PLCB1: variants seen among roughly 807,000 people sequenced by gnomAD.
PLCB1 encodes phospholipase C beta 1.
In PLCB1, 46 loss-of-function variants were observed where a neutral mutation model predicts 161.8. The observed-to-expected ratio is 0.28, with a 90% CI of 0.22 to 0.36. The LOEUF is 0.36. Ranked by LOEUF, PLCB1 falls within the 10% of genes least tolerant of loss-of-function variation. The pLI is 1.00. For missense variants in PLCB1, 1,016 were observed against 1,472.5 expected, an observed-to-expected ratio of 0.69 and a Z score of 5.07; for synonymous variants, 517 against 503.7, an observed-to-expected ratio of 1.03 and a Z score of -0.35.
chr20:8,343,054 C>T (rs1189693189), intron 2 of PLCB1, among the ~76,000 whole-genome samples: 1 of 152,208 alleles, frequency 6.6e-6, no homozygotes, highest in Non-Finnish European at 1.5e-5. Context: ...CTCCAGTCTG[C>T]ACCTCCTTCT....
chr20:8,802,438 T>C, intron 31 of PLCB1: 1 of 387,198 alleles, frequency 2.6e-6, no homozygotes, highest in East Asian at 4.2e-5. Flanking sequence ...CTTTCTCCAT[T>C]TTGTTTCTCT....
chr20:8,177,385 G>T (rs2123081198), intron 2 of PLCB1, among the ~76,000 whole-genome samples: 1 of 152,292 alleles, frequency 6.6e-6, no homozygotes, highest in Admixed American at 6.5e-5. Flanking sequence ...ATACATTTCT[G>T]TTGATAAATT....
intron 2 of PLCB1, among the ~76,000 whole-genome samples, chr20:8,342,225 AATG>A (rs1195336706): frequency 1.3e-5 from 2 of 152,228 alleles, no homozygotes; most frequent in African/African-American, 2.4e-5. Flanking sequence ...AGCAGTCATA[AATG>A]ATGAAGAACT....
At chr20:8,737,797 A>T (rs140296452) in intron 20 of PLCB1, among the ~76,000 whole-genome samples, 14 of 152,336 alleles carry the variant, frequency 9.2e-5, no homozygotes, top group Non-Finnish European at 1.9e-4. Context: ...CAAAATATCT[A>T]CAAATCCAGT....
chr20:8,170,689 T>A (rs1377277054), intron 2 of PLCB1, among the ~76,000 whole-genome samples: 3 of 152,072 alleles, frequency 2.0e-5, no homozygotes, highest in Non-Finnish European at 2.9e-5. Context: ...TGACTTTATA[T>A]AAACATAAAA....
rs1489040268 is a variant in PLCB1 at position 8,132,399 on chromosome 20, C to G, written c.-253C>G. On this transcript the variant is annotated 5_prime_UTR_variant, in exon 1 of 32. Coordinates refer to ENST00000338037, the MANE Select transcript of PLCB1 (RefSeq NM_015192.4). The surrounding 1 kb of genome is among the most constrained non-coding windows in gnomAD (Gnocchi z 5.2). ...CGGCTTCTCTTCGCCTTCCGAGGCT[C>G]CTCATCCACCGCGGGCTCCAGACCT... 7.0e-6 allele frequency: 2 copies of G among 285,272 alleles called. No homozygotes were observed. Among genetic ancestry groups the G allele is most frequent in the Non-Finnish European group, 6.5e-6 (1 of 154,350 alleles). 17.7% of individuals were successfully genotyped at this position (285,272 alleles called of 1,614,324 possible).
intron 3 of PLCB1, among the ~76,000 whole-genome samples, chr20:8,550,477 T>C (rs1299293320): frequency 6.6e-6 from 1 of 152,094 alleles, no homozygotes; most frequent in Non-Finnish European, 1.5e-5. Context: ...TCGGCTCTCA[T>C]TCTCTCTTCT....
intron 3 of PLCB1, among the ~76,000 whole-genome samples, chr20:8,558,619 A>T (rs963383503): frequency 6.6e-5 from 10 of 151,842 alleles, no homozygotes; most frequent in African/African-American, 2.4e-4. Context: ...AAATACAAAG[A>T]CAGCCACACT....
chr20:8,544,760 T>A (rs1391070958), intron 3 of PLCB1, among the ~76,000 whole-genome samples: 10 of 152,250 alleles, frequency 6.6e-5, no homozygotes, highest in Non-Finnish European at 2.9e-5. Flanking sequence ...CTATTACATA[T>A]GCTGAAGTTT....
chr20:8,696,826 C>T (rs914465141), intron 10 of PLCB1, among the ~76,000 whole-genome samples: 14 of 152,242 alleles, frequency 9.2e-5, no homozygotes, highest in East Asian at 3.9e-4. Context: ...CTCCGCCTCC[C>T]GGGTTCACAC....
intron 25 of PLCB1, among the ~76,000 whole-genome samples, chr20:8,762,250 A>G (rs1292576785): frequency 3.3e-5 from 5 of 152,220 alleles, no homozygotes; most frequent in African/African-American, 7.2e-5. Flanking sequence ...ACAACACCAT[A>G]TTAATGCATA....
intron 2 of PLCB1, among the ~76,000 whole-genome samples, chr20:8,350,962 C>A (rs1026091254): frequency 6.6e-6 from 1 of 152,092 alleles, no homozygotes; most frequent in Non-Finnish European, 1.5e-5. Flanking sequence ...TAATCCCAGT[C>A]ACAATCCCAG....
chr20:8,861,846 C>T (rs991071082), intron 31 of PLCB1, among the ~76,000 whole-genome samples: 1 of 151,110 alleles, frequency 6.6e-6, no homozygotes, highest in Non-Finnish European at 1.5e-5. Context: ...ATTTAATTAA[C>T]TTGATTTACT....
intron 2 of PLCB1, among the ~76,000 whole-genome samples, chr20:8,311,188 T>C (rs1480396945): frequency 2.0e-5 from 3 of 152,226 alleles, no homozygotes; most frequent in South Asian, 2.1e-4. Context: ...TTTCACTGTA[T>C]ATAAATTTTA....
intron 2 of PLCB1, among the ~76,000 whole-genome samples, chr20:8,229,839 A>G (rs1979908367): frequency 7.6e-6 from 1 of 132,222 alleles, no homozygotes; most frequent in African/African-American, 2.9e-5. Context: ...CCTGGGCAAC[A>G]TGGTGAGAGC....
At chr20:8,552,102 TCATC>T (rs1985795372) in intron 3 of PLCB1, among the ~76,000 whole-genome samples, 1 of 152,202 alleles carries the variant, frequency 6.6e-6, no homozygotes, top group Non-Finnish European at 1.5e-5. Flanking sequence ...CACTTCATGG[TCATC>T]CATTCCTTCC....
At chr20:8,779,302 A>G (rs1983090922) in intron 27 of PLCB1, among the ~76,000 whole-genome samples, 1 of 152,116 alleles carries the variant, frequency 6.6e-6, no homozygotes, top group Non-Finnish European at 1.5e-5. Context: ...CACGATCACC[A>G]CACACACTCA....
At chr20:8,864,262 C>A (rs1987351523) in intron 31 of PLCB1, among the ~76,000 whole-genome samples, 1 of 152,172 alleles carries the variant, frequency 6.6e-6, no homozygotes, top group African/African-American at 2.4e-5. Context: ...CTCTTCTGGT[C>A]TTAGATGATT....
chr20:8,884,801 A>G lies in PLCB1; in HGVS notation c.*2952A>G, dbSNP rs1446159060. 6.6e-6 allele frequency: 1 copy of G among 152,656 alleles called. No individual in the cohort carries two copies. The highest frequency in any genetic ancestry group is 1.5e-5 in the Non-Finnish European group (1 of 68,044). 9.5% of individuals were successfully genotyped at this position (152,656 alleles called of 1,614,324 possible). A position where few individuals can be genotyped will look rare whatever the true frequency, so the allele number is the denominator to read the frequency against. ...AAAATGCATAATTCACATTTTTGTA[A>G]TAATTCTATGCAATTTTGTGGCATG... On this transcript the variant is annotated 3_prime_UTR_variant, in exon 32 of 32. Transcript: ENST00000338037.
Sources: allele counts gnomAD v4.1 joint callset (sites outside exome capture counted in the v4.1 genomes callset), GRCh38; gene constraint gnomAD v4.1.1; non-coding constraint Gnocchi (gnomAD v3.1); transcripts MANE v1.5; gene names NCBI Gene and HGNC (gene_info 2026-07-23, HGNC 2026-07-21).